The following VIL1 variants were observed in gnomAD, a reference collection of about 807,000 sequenced individuals.
VIL1 encodes villin-1.
Under a neutral mutation model 104.0 loss-of-function variants are expected in VIL1, and 86 were observed. The ratio of observed to expected loss-of-function variants is 0.83; its 90% CI spans 0.69 to 0.99. The LOEUF is 0.99. Among genes scored for constraint, VIL1 ranks in the 50% least tolerant of loss-of-function variants. The pLI, the probability that VIL1 is intolerant of heterozygous loss-of-function variation, is 0.00. For missense variants in VIL1, 944 were observed against 1,054.1 expected (o/e 0.90, Z 1.45); for synonymous variants, 394 against 412.6 (o/e 0.95, Z 0.55).
chr2:218,431,897 T>C lies in VIL1; in HGVS notation c.1143T>C (p.His381=), dbSNP rs1413391950. The stretch of plus-strand genomic sequence containing the variant: ...TGAAGTTCGATGCCACATCCATGCA[T>C]GTCAAGCCTCAGGTGGCTGCCCAGC... ...EQVKFDATSM[H]VKPQVAAQQK... Residue 381 remains histidine (H), a synonymous_variant, in exon 11 of 20, where the codon CAT becomes CAC. Coordinates refer to ENST00000248444, the MANE Select transcript of VIL1 (RefSeq NM_007127.3). 2 of 1,613,836 alleles carry C rather than the reference T, an allele frequency of 1.2e-6. No homozygotes were observed. Among genetic ancestry groups the C allele is most frequent in the African/African-American group, 1.3e-5 (1 of 74,858 alleles).
chr2:218,446,576 GAGTGATGAAGCTATCCATAATGGTAA>G (rs1689366678), intron 19 of VIL1, among the ~76,000 whole-genome samples: 2 of 152,066 alleles, frequency 1.3e-5, no homozygotes, highest in African/African-American at 2.4e-5. Context: ...TGTAAGCCAA[GAGTGATGAAGCTATCCATAATGGTAA>G]AACTGTGGCC....
In VIL1 at chr2:218,429,587, T is replaced by C; in HGVS notation, c.771-10T>C. 1 of 1,614,160 alleles carries C rather than the reference T, an allele frequency of 6.2e-7. No homozygotes were observed. Among genetic ancestry groups the C allele is most frequent in the Non-Finnish European group, 8.5e-7 (1 of 1,180,030 alleles). ...CCCCTCCCCATCTATGCCTTGCTTC[T>C]GTCCTGCAGTGTGTCTGACTCCGAG... On this transcript the variant is annotated splice_polypyrimidine_tract_variant and intron_variant, in intron 7 of 19. Coordinates refer to ENST00000248444, the MANE Select transcript of VIL1 (RefSeq NM_007127.3).
chr2:218,430,988 CTT>C, intron 10 of VIL1, 110 bp downstream of exon 10: 1 of 1,386,996 alleles, frequency 7.2e-7, no homozygotes, highest in Non-Finnish European at 9.9e-7. Flanking sequence ...TCAACGAAGA[CTT>C]TTACGCTGGC....
At chr2:218,424,381 C>T in intron 3 of VIL1, 30 bp downstream of exon 3, 1 of 1,609,078 alleles carries the variant, frequency 6.2e-7, no homozygotes, top group Non-Finnish European at 8.5e-7. Context: ...GGGGGCTGAG[C>T]AGAGAGCAAA....
Position 218,435,344 on chromosome 2 carries a change from G to C in VIL1, c.1736G>C (p.Arg579Pro). The C allele has an allele frequency of 6.2e-7, 1 of 1,614,070 alleles. No individual in the cohort carries two copies. Among genetic ancestry groups the C allele is most frequent in the Non-Finnish European group, 8.5e-7 (1 of 1,179,974 alleles). Reference protein sequence around the residue: ...MAKMVADTISRTEKQVVVEGQ... With the variant: ...MAKMVADTISPTEKQVVVEGQ... ...AAGATGGTTGCTGACACCATCTCCCGGACGGAGAAGCAAGTGGTGGTGGAA... is the reference window on the plus strand; with the variant it reads ...AAGATGGTTGCTGACACCATCTCCCCGACGGAGAAGCAAGTGGTGGTGGAA... Residue 579 changes from arginine to proline, a missense_variant, in exon 15 of 20, where the codon CGG becomes CCG. Arg to Pro is a moderately radical substitution (Grantham distance 103). Coordinates refer to ENST00000248444, the MANE Select transcript of VIL1 (RefSeq NM_007127.3).
chr2:218,432,734 G>A, intron 12 of VIL1, 59 bp from the exon 13 acceptor site: 1 of 1,602,782 alleles, frequency 6.2e-7, no homozygotes, highest in African/African-American at 1.3e-5. Flanking sequence ...TGAGGCTGAG[G>A]ATGGGGTCAG....
intron 10 of VIL1, chr2:218,431,351 CAAAAA>C (rs10527756): frequency 9.3e-4 from 84 of 90,664 alleles, no homozygotes; most frequent in South Asian, 3.7e-3. Flanking sequence ...AACTCCATCT[CAAAAA>C]AAAAAAAAAA....
At chr2:218,425,947 C>T in intron 4 of VIL1, 136 bp downstream of exon 4, 1 of 946,806 alleles carries the variant, frequency 1.1e-6, no homozygotes. Context: ...GGGAGGTGAC[C>T]TGGGGCGGGG....
intron 9 of VIL1, 23 bp from the exon 10 acceptor site, chr2:218,430,702 C>T: frequency 6.4e-7 from 1 of 1,559,398 alleles, no homozygotes; most frequent in South Asian, 1.2e-5. Flanking sequence ...TGCATAGCTT[C>T]CAGCCACCCC....
Position 218,452,730 on chromosome 2 carries a change from T to A in VIL1, c.*3394T>A, listed in dbSNP as rs924601521. 5 of 152,246 alleles carry A rather than the reference T, an allele frequency of 3.3e-5. No homozygotes were observed. The highest frequency in any genetic ancestry group is 5.9e-5 in the Non-Finnish European group (4 of 68,046). The allele number at this position is 152,246 out of a possible 1,614,324, so 9.4% of individuals were successfully genotyped here. The stretch of plus-strand genomic sequence containing the variant: ...AATGAGGCTGCTTCATGAGGCAATC[T>A]AGACTTATGGCATTATTTCTACTTT... On this transcript the variant is annotated 3_prime_UTR_variant, in exon 20 of 20. Coordinates refer to ENST00000248444, the MANE Select transcript of VIL1 (RefSeq NM_007127.3).
In VIL1 at chr2:218,440,784, G is replaced by A; in HGVS notation, c.2292G>A (p.Leu764=). Residue 764 remains leucine (L), a synonymous_variant, in exon 19 of 20, where the codon CTG becomes CTA. Coordinates refer to ENST00000248444, the MANE Select transcript of VIL1 (RefSeq NM_007127.3). ...NANSNLSSGP[L]PIFPLEQLVN... ...ACAGCAACCTCAGTTCTGGGCCTCT[G>A]CCCATCTTCCCCCTGGAGCAGCTAG... 4.3e-6 allele frequency: 7 copies of A among 1,614,160 alleles called. No individual in the cohort carries two copies. Among genetic ancestry groups the A allele is most frequent in the Non-Finnish European group, 5.9e-6 (7 of 1,180,026 alleles).
At chr2:218,447,713 A>C (rs955029182) in intron 19 of VIL1, among the ~76,000 whole-genome samples, 3 of 151,886 alleles carry the variant, frequency 2.0e-5, no homozygotes, top group Non-Finnish European at 4.4e-5. Flanking sequence ...GTTTAAGTGG[A>C]GGTAAATGAA....
chr2:218,432,389 A>G (rs1689114775), intron 12 of VIL1: 3 of 828,806 alleles, frequency 3.6e-6, no homozygotes, highest in Admixed American at 4.1e-5. Flanking sequence ...CTCCCTTCCA[A>G]TTTTCATTGC....
Position 218,437,254 on chromosome 2 carries a change from G to C in VIL1, c.2102G>C (p.Gly701Ala). The change falls in exon 17 of 20, where the codon GGA becomes GCA. Residue 701 changes from glycine to alanine, a missense_variant. Physicochemically the swap from Gly to Ala is moderately conservative, Grantham distance 60 (BLOSUM62 0). Coordinates refer to ENST00000248444, the MANE Select transcript of VIL1 (RefSeq NM_007127.3). Reference protein sequence around the residue: ...PETPIIVVKQGHEPPTFTGWF... With the variant: ...PETPIIVVKQAHEPPTFTGWF... ...ACCCCCATCATTGTGGTGAAGCAGGGACACGAGCCCCCCACCTTCACAGGC... is the reference window on the plus strand; with the variant it reads ...ACCCCCATCATTGTGGTGAAGCAGGCACACGAGCCCCCCACCTTCACAGGC... The C allele has an allele frequency of 6.2e-7, 1 of 1,614,216 alleles. No individual in the cohort carries two copies. Among genetic ancestry groups the C allele is most frequent in the Non-Finnish European group, 8.5e-7 (1 of 1,180,042 alleles).
In VIL1 at chr2:218,430,781, T is replaced by C. The variant is rs375827739; in HGVS notation, c.1005T>C (p.Asp335=). The C allele has an allele frequency of 2.5e-6, 4 of 1,613,180 alleles. No individual in the cohort carries two copies. The highest frequency in any genetic ancestry group is 1.3e-5 in the African/African-American group (1 of 74,868). Residue 335 remains aspartate (D), a synonymous_variant, in exon 10 of 20, where the codon GAT becomes GAC. Coordinates refer to ENST00000248444, the MANE Select transcript of VIL1 (RefSeq NM_007127.3). ...GCACACAGGTGGAGGTGCAGAATGA[T>C]GGGGCTGAGTCGGCCGTCTTTCAGC... ...PPSTQVEVQN[D]GAESAVFQQL...
chr2:218,446,760 CTTTTTTT>C (rs71064450), intron 19 of VIL1, among the ~76,000 whole-genome samples: 66,005 of 125,732 alleles, frequency 0.52, 18,228 homozygotes, highest in East Asian at 0.78. Context: ...GTGACCTTGA[CTTTTTTT>C]TTTTTTTTTT....
chr2:218,442,869 A>G (rs1269380258), intron 19 of VIL1, among the ~76,000 whole-genome samples: 2 of 152,188 alleles, frequency 1.3e-5, no homozygotes, highest in African/African-American at 4.8e-5. Flanking sequence ...GAGAATTTCA[A>G]TTCTGCCTTT....
At chr2:218,432,526 G>A in intron 12 of VIL1, 1 of 702,592 alleles carries the variant, frequency 1.4e-6, no homozygotes. Context: ...GAGCAGAAAG[G>A]AAAGGAGGAG....
Position 218,425,631 on chromosome 2 carries a change from G to C in VIL1, c.167G>C (p.Ser56Thr). 1 of 1,614,196 alleles carries C rather than the reference G, an allele frequency of 6.2e-7. No individual in the cohort carries two copies. The highest frequency in any genetic ancestry group is 1.7e-5 in the Admixed American group (1 of 60,022). Residue 56 changes from serine to threonine, a missense_variant, in exon 4 of 20, where the codon AGC becomes ACC. By Grantham distance (58) the Ser-to-Thr change is moderately conservative. Transcript: ENST00000248444. The stretch of plus-strand genomic sequence containing the variant: ...TTTCCCTAGATCCACAAGACAGCCA[G>C]CAGCCTGTCCTATGACATCCACTAC... ...YIILAIHKTASSLSYDIHYWI... is the reference protein window; with the variant it reads ...YIILAIHKTATSLSYDIHYWI...
Sources: gnomAD v4.1 joint callset for allele counts (sites outside exome capture counted in the v4.1 genomes callset) on GRCh38, gnomAD v4.1.1 for gene constraint, MANE v1.5 for transcripts, NCBI Gene and HGNC (gene_info 2026-07-23, HGNC 2026-07-21) for gene names.